The following ST7L variants were observed in gnomAD, a reference collection of about 807,000 sequenced individuals.
The protein encoded by ST7L is suppressor of tumorigenicity 7 protein-like.
ST7L carries 57 observed loss-of-function variants against 72.5 expected under a neutral mutation model. The ratio of observed to expected loss-of-function variants is 0.79; its 90% CI spans 0.64 to 0.98. The LOEUF is 0.98. Among genes scored for constraint, ST7L ranks in the 50% least tolerant of loss-of-function variants. ST7L has a pLI of 0.00. For synonymous variants in ST7L, 221 were observed against 240.9 expected, an observed-to-expected ratio of 0.92 and a Z score of 0.77; for missense variants, 576 against 672.2, an observed-to-expected ratio of 0.86 and a Z score of 1.58.
intron 6 of ST7L, among the ~76,000 whole-genome samples, chr1:112,587,114 C>A (rs1204534366): frequency 6.6e-6 from 1 of 151,842 alleles, no homozygotes; most frequent in Non-Finnish European, 1.5e-5. Context: ...ATGATTTGTC[C>A]CTATGCTTTC....
chr1:112,534,176 A>G (rs1210979313), intron 14 of ST7L, among the ~76,000 whole-genome samples: 1 of 152,194 alleles, frequency 6.6e-6, no homozygotes, highest in African/African-American at 2.4e-5. Flanking sequence ...CTCTTTTAGG[A>G]AAGTTTCTCT....
chr1:112,573,910 G>GT (rs920123003), intron 11 of ST7L, among the ~76,000 whole-genome samples: 5,989 of 91,882 alleles, frequency 0.065, 375 homozygotes, highest in East Asian at 0.085. Context: ...TTCTTTTCCT[G>GT]TTTTTTTTTT....
chr1:112,555,648 G>A (rs1309507631), intron 12 of ST7L, among the ~76,000 whole-genome samples: 2 of 152,114 alleles, frequency 1.3e-5, no homozygotes, highest in Admixed American at 1.3e-4. Context: ...ATTAACATAT[G>A]GCAGAATACC....
intron 2 of ST7L, 142 bp from the exon 3 acceptor site, chr1:112,611,145 C>G (rs1485960418): frequency 2.8e-6 from 2 of 704,586 alleles, no homozygotes; most frequent in Non-Finnish European, 4.4e-6. Context: ...CATACAAACA[C>G]AAGATTCACC....
At chr1:112,573,602 T>G (rs763634558) in intron 11 of ST7L, among the ~76,000 whole-genome samples, 2 of 152,136 alleles carry the variant, frequency 1.3e-5, no homozygotes, top group Non-Finnish European at 2.9e-5. Context: ...ACTCAAAGTC[T>G]TCTCACAAAG....
At position 112,600,844 on chromosome 1, in the gene ST7L, A is replaced by G. The variant is rs780831711; in HGVS notation, c.456T>C (p.Cys152=). 1 of 1,608,110 alleles carries G rather than the reference A, an allele frequency of 6.2e-7. No homozygotes were observed. The highest frequency in any genetic ancestry group is 8.5e-7 in the Non-Finnish European group (1 of 1,176,788). Residue 152 remains cysteine (C), a synonymous_variant, in exon 4 of 15, where the codon TGT becomes TGC. Coordinates refer to ENST00000358039, the MANE Select transcript of ST7L (RefSeq NM_017744.5). ...NETSRQNLSE[C]KVWRNPLNLF... is the part of the protein sequence containing the mutation. ...GATTTAGAGGGTTTCTCCATACCTT[A>G]CATTCTGAAAAACAAGGGAGAAAAA...
At chr1:112,528,593 A>AAT (rs1653848346) in intron 14 of ST7L, 1 of 152,230 alleles carries the variant, frequency 6.6e-6, no homozygotes, top group Non-Finnish European at 1.5e-5. Context: ...AGAGATATCA[A>AAT]ATATCCTATC....
chr1:112,537,507 C>T (rs1655409776), intron 14 of ST7L, among the ~76,000 whole-genome samples: 1 of 152,194 alleles, frequency 6.6e-6, no homozygotes. Context: ...AAGATTGGTT[C>T]TCTAAGGAGA....
intron 3 of ST7L, among the ~76,000 whole-genome samples, chr1:112,605,981 T>G (rs1668178665): frequency 6.6e-6 from 1 of 152,250 alleles, no homozygotes; most frequent in South Asian, 2.1e-4. Flanking sequence ...CTCTATGGTC[T>G]GGTCCTGTAG....
At chr1:112,548,125 C>T (rs1016133389) in intron 13 of ST7L, among the ~76,000 whole-genome samples, 28 of 152,036 alleles carry the variant, frequency 1.8e-4, no homozygotes, top group African/African-American at 6.5e-4. Context: ...GAGGCCAAGG[C>T]GGGTGGATCA....
chr1:112,597,511 G>T (rs1483610448), intron 5 of ST7L, among the ~76,000 whole-genome samples: 1 of 152,136 alleles, frequency 6.6e-6, no homozygotes, highest in Admixed American at 6.5e-5. Context: ...CTATAGATAA[G>T]CACTTAGAGA....
intron 3 of ST7L, among the ~76,000 whole-genome samples, chr1:112,602,367 C>T (rs1215238306): frequency 1.3e-5 from 2 of 152,140 alleles, no homozygotes; most frequent in Non-Finnish European, 2.9e-5. Context: ...GTAAGGGTGT[C>T]CTTAAATTTT....
At chr1:112,534,546 T>C (rs1406683658) in intron 14 of ST7L, among the ~76,000 whole-genome samples, 1 of 152,228 alleles carries the variant, frequency 6.6e-6, no homozygotes, top group South Asian at 2.1e-4. Context: ...TAATATATTA[T>C]GTAGTCTCAC....
chr1:112,539,896 C>T, intron 14 of ST7L: 2 of 985,186 alleles, frequency 2.0e-6, no homozygotes, highest in South Asian at 9.4e-5. Flanking sequence ...ACACTATATA[C>T]CATCACCTAT....
chr1:112,556,590 C>T (rs1659147583), intron 11 of ST7L, among the ~76,000 whole-genome samples: 1 of 152,126 alleles, frequency 6.6e-6, no homozygotes, highest in Admixed American at 6.6e-5. Context: ...AACGCTTTGC[C>T]TGTTCTGTGG....
At chr1:112,592,690 T>C (rs1193734854) in intron 5 of ST7L, among the ~76,000 whole-genome samples, 1 of 152,234 alleles carries the variant, frequency 6.6e-6, no homozygotes, top group Non-Finnish European at 1.5e-5. Context: ...ATTTTAACAC[T>C]GAATCTTTAT....
intron 13 of ST7L, 53 bp from the exon 14 acceptor site, chr1:112,542,143 A>C (rs1184170632): frequency 6.7e-7 from 1 of 1,484,054 alleles, no homozygotes; most frequent in East Asian, 2.3e-5. Context: ...ACATGTAAAC[A>C]AGTCTTAATC....
At chr1:112,578,447 A>G (rs768343492) in intron 9 of ST7L, 30 bp from the exon 10 acceptor site, 1 of 1,600,804 alleles carries the variant, frequency 6.2e-7, no homozygotes, top group Non-Finnish European at 8.6e-7. Flanking sequence ...TTTAGGTAGG[A>G]ATTACAAAAA....
At chr1:112,568,875 TATATATATATATAA>T (rs201383704) in intron 11 of ST7L, among the ~76,000 whole-genome samples, 1,742 of 143,400 alleles carry the variant, frequency 0.012, 50 homozygotes, top group East Asian at 0.093. Flanking sequence ...TATATATATA[TATATATATATATAA>T]AACAAAAATT....
Sources: allele counts gnomAD v4.1 joint callset (sites outside exome capture counted in the v4.1 genomes callset), GRCh38; gene constraint gnomAD v4.1.1; transcripts MANE v1.5; gene names NCBI Gene and HGNC (gene_info 2026-07-23, HGNC 2026-07-21).